The following CSMD1 variants were observed in gnomAD, a reference collection of about 807,000 sequenced individuals.
CSMD1 encodes the protein CUB and sushi domain-containing protein 1.
Under a neutral mutation model 417.5 loss-of-function variants are expected in CSMD1, and 213 were observed. The ratio of observed to expected loss-of-function variants is 0.51; its 90% CI spans 0.46 to 0.57. The LOEUF is 0.57. CSMD1 is among the 20% of genes least tolerant of loss of function. The pLI is 0.00. For missense variants in CSMD1, 6,923 were observed against 4,529.7 expected (o/e 1.53, Z -15.17); for synonymous variants, 2,862 against 1,736.8 (o/e 1.65, Z -16.11).
intron 5 of CSMD1, among the ~76,000 whole-genome samples, chr8:3,918,654 G>A (rs1809002475): frequency 2.0e-5 from 3 of 152,108 alleles, no homozygotes; most frequent in Non-Finnish European, 2.9e-5. Context: ...AGTGGATAAA[G>A]AAGCTGAGGT....
At chr8:4,015,394 G>A (rs763708034) in intron 4 of CSMD1, among the ~76,000 whole-genome samples, 1 of 152,034 alleles carries the variant, frequency 6.6e-6, no homozygotes, top group Admixed American at 6.6e-5. Context: ...GAATGCCTAT[G>A]ATTAAAAAAC....
At chr8:3,531,392 C>A (rs73176954) in intron 10 of CSMD1, among the ~76,000 whole-genome samples, 2 of 152,070 alleles carry the variant, frequency 1.3e-5, no homozygotes, top group Non-Finnish European at 2.9e-5. Context: ...ATTATAGAAT[C>A]TGGAATTATA....
At chr8:3,012,957 C>T (rs1808516172) in intron 52 of CSMD1, among the ~76,000 whole-genome samples, 1 of 152,170 alleles carries the variant, frequency 6.6e-6, no homozygotes, top group Non-Finnish European at 1.5e-5. Context: ...CCAATGGTCT[C>T]ATAAAGGGGA....
At chr8:4,164,370 G>A (rs1046221596) in intron 3 of CSMD1, among the ~76,000 whole-genome samples, 7 of 152,124 alleles carry the variant, frequency 4.6e-5, no homozygotes, top group Admixed American at 3.3e-4. Flanking sequence ...CACTGTACTT[G>A]TTGGACAGAG....
chr8:3,713,410 C>T (rs1801639772), intron 6 of CSMD1, among the ~76,000 whole-genome samples: 1 of 152,142 alleles, frequency 6.6e-6, no homozygotes, highest in Non-Finnish European at 1.5e-5. Flanking sequence ...CTTGATGCCA[C>T]TTCTTTCTCT....
intron 52 of CSMD1, among the ~76,000 whole-genome samples, chr8:3,012,974 C>G (rs1013573656): frequency 6.6e-6 from 1 of 152,162 alleles, no homozygotes; most frequent in Non-Finnish European, 1.5e-5. Context: ...GGGAGTTCCC[C>G]TGCACACGCT....
intron 26 of CSMD1, among the ~76,000 whole-genome samples, chr8:3,264,993 C>G (rs1801330996): frequency 6.6e-6 from 1 of 152,102 alleles, no homozygotes; most frequent in African/African-American, 2.4e-5. Flanking sequence ...TGCACCCCAG[C>G]TGTATTTTAA....
At chr8:3,802,809 G>T (rs184094703) in intron 5 of CSMD1, among the ~76,000 whole-genome samples, 66 of 152,186 alleles carry the variant, frequency 4.3e-4, no homozygotes, top group African/African-American at 1.4e-3. Flanking sequence ...AGAAATGTTC[G>T]ATTCGTTTCT....
chr8:3,708,520 A>G, intron 6 of CSMD1, 29 bp from the exon 7 acceptor site: 1 of 1,595,476 alleles, frequency 6.3e-7, no homozygotes, highest in South Asian at 1.1e-5. Context: ...AGCCATTAGC[A>G]GGTAAGACTT....
chr8:3,354,875 A>ATATCTATAGATATTTCTATCTATAGATC (rs1554523441), intron 21 of CSMD1, among the ~76,000 whole-genome samples: 2 of 71,522 alleles, frequency 2.8e-5, no homozygotes, highest in Non-Finnish European at 5.5e-5. Flanking sequence ...AGATATACAT[A>ATATCTATAGATATTTCTATCTATAGATC]TATCTATAGA....
intron 15 of CSMD1, among the ~76,000 whole-genome samples, chr8:3,405,409 G>A (rs11779016): frequency 0.16 from 24,954 of 152,038 alleles, 2,591 homozygotes; most frequent in Middle Eastern, 0.23. Context: ...ACAGAAATAT[G>A]AAGAAGAAAA....
Position 3,108,767 on chromosome 8 carries a change from G to C in CSMD1, c.6609-19C>G, listed in dbSNP as rs1407764125. The C allele has an allele frequency of 1.9e-6, 3 of 1,597,080 alleles. No homozygotes were observed. The highest frequency in any genetic ancestry group is 2.6e-6 in the Non-Finnish European group (3 of 1,170,440). On this transcript the variant is annotated intron_variant, in intron 43 of 69. Transcript: ENST00000635120. ...ACCGTCCCTAGGAAAGACAGAAAGA[G>C]GTGGCTGGCTAAGGATATTTACTTC...
intron 50 of CSMD1, among the ~76,000 whole-genome samples, chr8:3,045,111 GAAC>G (rs1360162497): frequency 6.6e-6 from 1 of 152,136 alleles, no homozygotes; most frequent in Non-Finnish European, 1.5e-5. Flanking sequence ...AAACTTTAAA[GAAC>G]GACGGGAGGA....
At chr8:3,295,479 G>C (rs1803898113) in intron 25 of CSMD1, among the ~76,000 whole-genome samples, 1 of 152,092 alleles carries the variant, frequency 6.6e-6, no homozygotes, top group African/African-American at 2.4e-5. Flanking sequence ...AAAAAAGGTA[G>C]AACTTTGTTA....
chr8:4,209,245 C>G (rs140476038), intron 3 of CSMD1, among the ~76,000 whole-genome samples: 2 of 152,122 alleles, frequency 1.3e-5, no homozygotes, highest in African/African-American at 4.8e-5. Context: ...GATTTCTAAA[C>G]GAAAAAGAGG....
At chr8:4,835,088 T>C (rs914695661) in intron 1 of CSMD1, among the ~76,000 whole-genome samples, 2 of 150,182 alleles carry the variant, frequency 1.3e-5, no homozygotes, top group Admixed American at 6.6e-5. Context: ...CACTGCCCTA[T>C]AGATATTAGA....
At chr8:3,340,358 TG>T (rs1472682529) in intron 23 of CSMD1, among the ~76,000 whole-genome samples, 1 of 152,186 alleles carries the variant, frequency 6.6e-6, no homozygotes, top group Non-Finnish European at 1.5e-5. Context: ...AAAGAAATAT[TG>T]TTTGTACCCA....
At chr8:3,683,951 C>T (rs1426438110) in intron 7 of CSMD1, among the ~76,000 whole-genome samples, 1 of 151,794 alleles carries the variant, frequency 6.6e-6, no homozygotes, top group Admixed American at 6.6e-5. Context: ...TAGGACAATG[C>T]ACACCTTTTG....
chr8:3,229,133 C>T (rs535181963), intron 27 of CSMD1, among the ~76,000 whole-genome samples: 4 of 152,138 alleles, frequency 2.6e-5, no homozygotes, highest in Non-Finnish European at 5.9e-5. Context: ...CCGCTGTGTA[C>T]ACGACAATAA....
Sources: allele counts gnomAD v4.1 joint callset (sites outside exome capture counted in the v4.1 genomes callset), GRCh38; gene constraint gnomAD v4.1.1; transcripts MANE v1.5; gene names NCBI Gene and HGNC (gene_info 2026-07-23, HGNC 2026-07-21).